BTRC: variants seen among roughly 807,000 people sequenced by gnomAD.
BTRC encodes the protein beta-transducin repeat containing E3 ubiquitin protein ligase.
In BTRC, 42 loss-of-function variants were observed where a neutral mutation model predicts 85.5. The observed-to-expected ratio is 0.49, with a 90% CI of 0.38 to 0.64. BTRC has a LOEUF of 0.64. Ranked by LOEUF, BTRC falls within the 30% of genes least tolerant of loss-of-function variation. BTRC has a pLI of 0.00. For missense variants in BTRC, 594 were observed against 743.5 expected (o/e 0.80, Z 2.34); for synonymous variants, 255 against 263.3 (o/e 0.97, Z 0.30).
chr10:101,425,905 A>G (rs560921978), intron 1 of BTRC, among the ~76,000 whole-genome samples: 4 of 152,206 alleles, frequency 2.6e-5, no homozygotes, highest in Non-Finnish European at 5.9e-5. Context: ...AAACAGTCCA[A>G]ACTTTAAGTA....
intron 14 of BTRC, 26 bp from the exon 15 acceptor site, chr10:101,553,129 T>C (rs958432386): frequency 1.3e-5 from 2 of 152,668 alleles, no homozygotes; most frequent in African/African-American, 4.8e-5. Flanking sequence ...AAGGGGCTAA[T>C]GACTATTTGC....
At chr10:101,439,920 G>C (rs1399741089) in intron 2 of BTRC, among the ~76,000 whole-genome samples, 15 of 152,258 alleles carry the variant, frequency 9.9e-5, no homozygotes, top group Non-Finnish European at 1.3e-4. Context: ...CTATATGGCA[G>C]TATTGCCAGG....
intron 2 of BTRC, among the ~76,000 whole-genome samples, chr10:101,456,150 C>T (rs1047509310): frequency 1.4e-5 from 2 of 146,542 alleles, no homozygotes; most frequent in Non-Finnish European, 3.0e-5. Flanking sequence ...GCCTGGGTGA[C>T]AGAACGAGAC....
intron 13 of BTRC, among the ~76,000 whole-genome samples, chr10:101,547,545 T>C (rs2062578823): frequency 2.0e-5 from 3 of 151,916 alleles, no homozygotes. Context: ...TTCTGCTTGT[T>C]GGCCAGGCTG....
At chr10:101,358,759 A>G (rs925773828) in intron 1 of BTRC, among the ~76,000 whole-genome samples, 1 of 152,098 alleles carries the variant, frequency 6.6e-6, no homozygotes, top group African/African-American at 2.4e-5. Context: ...ATTCCAGGAG[A>G]CAGGAGGTAG....
intron 2 of BTRC, 98 bp downstream of exon 2, chr10:101,430,550 A>G (rs1944375398): frequency 3.3e-6 from 3 of 904,854 alleles, no homozygotes; most frequent in Non-Finnish European, 5.2e-6. Context: ...ACTTATATTC[A>G]TCTTTTCTCC....
intron 13 of BTRC, among the ~76,000 whole-genome samples, chr10:101,547,449 T>C (rs1564840245): frequency 1.4e-5 from 2 of 145,806 alleles, no homozygotes; most frequent in Non-Finnish European, 3.0e-5. Flanking sequence ...CAAGCTATTC[T>C]CCTGTCACAG....
rs369777460 is a variant in BTRC, at chr10:101,521,857, A to G, written c.543A>G (p.Ile181Met). ...AACCTATGTTGCAGAGAGATTTCAT[A>G]ACTGCTCTGCCAGGTATGTCTACAA... ...YLKPMLQRDF[I>M]TALPARGLDH... Residue 181 changes from isoleucine to methionine, a missense_variant, in exon 5 of 15, where the codon ATA becomes ATG. Physicochemically the swap from Ile to Met is conservative, Grantham distance 10. Transcript: ENST00000370187. The G allele has an allele frequency of 3.4e-5, 54 of 1,610,384 alleles. No homozygotes were observed. Among genetic ancestry groups the G allele is most frequent in the Non-Finnish European group, 4.3e-5 (51 of 1,176,742 alleles).
chr10:101,525,905 TG>T, intron 5 of BTRC, 107 bp from the exon 6 acceptor site: 1 of 1,065,870 alleles, frequency 9.4e-7, no homozygotes, highest in East Asian at 2.6e-5. Flanking sequence ...GGGACAATGA[TG>T]TGCCTTCATA....
rs79881746 is a variant in BTRC, at chr10:101,536,521, C to T, written c.1467-22C>T. 13,461 of 1,557,810 alleles carry T rather than the reference C, an allele frequency of 8.6e-3. 116 individuals are homozygous for T. Among genetic ancestry groups the T allele is most frequent in the Middle Eastern group, 0.028 (166 of 5,948 alleles). On this transcript the variant is annotated intron_variant, in intron 11 of 14. Coordinates refer to ENST00000370187, the MANE Select transcript of BTRC (RefSeq NM_033637.4). Reference sequence around the variant, plus strand: ...TAGAAAAGAATACGTGAAAATTCACCTGACTTAATTTTCTCTTCCAGATTA... The same window carrying T: ...TAGAAAAGAATACGTGAAAATTCACTTGACTTAATTTTCTCTTCCAGATTA...
chr10:101,404,179 C>T (rs925441702), intron 1 of BTRC, among the ~76,000 whole-genome samples: 10 of 151,116 alleles, frequency 6.6e-5, no homozygotes, highest in South Asian at 2.1e-4. Flanking sequence ...TACAGGTGCC[C>T]GCCATCATGC....
intron 6 of BTRC, among the ~76,000 whole-genome samples, chr10:101,527,761 G>GTCTCTCTC (rs5787436): frequency 2.1e-5 from 3 of 142,404 alleles, no homozygotes; most frequent in Non-Finnish European, 4.6e-5. Flanking sequence ...CTCTTTCTCT[G>GTCTCTCTC]TCTCTCTCTC....
intron 1 of BTRC, among the ~76,000 whole-genome samples, chr10:101,366,990 ATATT>A (rs1942459839): frequency 1.4e-5 from 1 of 70,898 alleles, no homozygotes; most frequent in Non-Finnish European, 2.6e-5. Flanking sequence ...ATATTTATAT[ATATT>A]AATATATATA....
chr10:101,533,105 A>T (rs745933497), intron 9 of BTRC, 35 bp downstream of exon 9: 3 of 1,432,042 alleles, frequency 2.1e-6, no homozygotes, highest in East Asian at 4.6e-5. Flanking sequence ...GAACTCTGAA[A>T]TATCAGCTCT....
intron 1 of BTRC, among the ~76,000 whole-genome samples, chr10:101,365,205 C>G (rs531487930): frequency 6.6e-6 from 1 of 151,706 alleles, no homozygotes; most frequent in African/African-American, 2.4e-5. Context: ...TCCTGAGTAG[C>G]TGGGATTACA....
chr10:101,485,008 G>T (rs1945945203), intron 4 of BTRC, among the ~76,000 whole-genome samples: 1 of 152,192 alleles, frequency 6.6e-6, no homozygotes, highest in African/African-American at 2.4e-5. Flanking sequence ...AGATGTGCGT[G>T]CCGTTTAAGA....
At chr10:101,403,461 G>A (rs147318257) in intron 1 of BTRC, among the ~76,000 whole-genome samples, 24 of 152,208 alleles carry the variant, frequency 1.6e-4, no homozygotes, top group African/African-American at 5.8e-4. Context: ...ATTTTGTTGA[G>A]GATTTTTGCC....
At chr10:101,403,133 T>C (rs1218422977) in intron 1 of BTRC, among the ~76,000 whole-genome samples, 1 of 152,246 alleles carries the variant, frequency 6.6e-6, no homozygotes, top group Non-Finnish European at 1.5e-5. Context: ...TTGGAATAAA[T>C]GTAGCTTCCT....
intron 1 of BTRC, among the ~76,000 whole-genome samples, chr10:101,398,479 T>C (rs2133995408): frequency 6.6e-6 from 1 of 152,112 alleles, no homozygotes; most frequent in Admixed American, 6.5e-5. Flanking sequence ...ATGTTTTGTA[T>C]TTTTTAGTAG....
Sources: allele counts gnomAD v4.1 joint callset (sites outside exome capture counted in the v4.1 genomes callset), GRCh38; gene constraint gnomAD v4.1.1; transcripts MANE v1.5; gene names NCBI Gene and HGNC (gene_info 2026-07-23, HGNC 2026-07-21).